PPARGC1A: variants seen among roughly 807,000 people sequenced by gnomAD.
The protein encoded by PPARGC1A is peroxisome proliferator-activated receptor gamma coactivator 1-alpha.
A neutral mutation model predicts 88.7 loss-of-function variants in PPARGC1A; 25 were observed. The observed-to-expected ratio is 0.28, with a 90% CI of 0.21 to 0.39. The LOEUF is 0.39. PPARGC1A is among the 10% of genes least tolerant of loss of function. PPARGC1A has a pLI of 1.00. For missense variants in PPARGC1A, 880 were observed against 968.7 expected (o/e 0.91, Z 1.22); for synonymous variants, 363 against 355.6 (o/e 1.02, Z -0.24).
At chr4:23,896,542 C>A (rs1213027839) in intron 1 of PPARGC1A, among the ~76,000 whole-genome samples, 1 of 152,114 alleles carries the variant, frequency 6.6e-6, no homozygotes, top group Non-Finnish European at 1.5e-5. Flanking sequence ...ACTTAGAAAT[C>A]CCAGAATTAT....
At chr4:24,289,800 T>A in the PPARGC1A span, among the ~76,000 whole-genome samples, 2 of 152,136 alleles carry the variant, frequency 1.3e-5, no homozygotes, top group Non-Finnish European at 2.9e-5. Context: ...TTTTTTAAAT[T>A]TATCTCCCAT....
the PPARGC1A span, among the ~76,000 whole-genome samples, chr4:24,173,902 C>G: frequency 1.6e-4 from 24 of 152,338 alleles, no homozygotes; most frequent in African/African-American, 5.5e-4. Flanking sequence ...TGATGACCAG[C>G]ATTGATACTG....
chr4:24,352,596 C>T, the PPARGC1A span, among the ~76,000 whole-genome samples: 3 of 152,274 alleles, frequency 2.0e-5, no homozygotes, highest in South Asian at 4.1e-4. Context: ...TCTGAGGACT[C>T]GGTTCAAAAG....
chr4:23,867,506 C>T (rs560134862), intron 2 of PPARGC1A, among the ~76,000 whole-genome samples: 37 of 152,196 alleles, frequency 2.4e-4, no homozygotes, highest in Admixed American at 1.9e-3. Flanking sequence ...TAGACTGTCC[C>T]GTCTAAAAAA....
At chr4:24,049,306 G>GTA in the PPARGC1A span, among the ~76,000 whole-genome samples, 15 of 26,620 alleles carry the variant, frequency 5.6e-4, no homozygotes, top group Middle Eastern at 0.021. Flanking sequence ...ATATATATGT[G>GTA]TGTATATATA....
the PPARGC1A span, among the ~76,000 whole-genome samples, chr4:24,359,119 G>A: frequency 4.3e-4 from 66 of 152,152 alleles, no homozygotes; most frequent in Non-Finnish European, 7.6e-4. Flanking sequence ...TTTGTGGAGA[G>A]CCTCTCTATG....
chr4:23,849,938 G>A, intron 2 of PPARGC1A, among the ~76,000 whole-genome samples: 1 of 151,448 alleles, frequency 6.6e-6, no homozygotes. Flanking sequence ...AGTCTGTAAT[G>A]TCGTATAATT....
At chr4:23,857,844 G>A (rs1167690409) in intron 2 of PPARGC1A, among the ~76,000 whole-genome samples, 1 of 151,590 alleles carries the variant, frequency 6.6e-6, no homozygotes, top group African/African-American at 2.4e-5. Context: ...CCAGGCTCCA[G>A]GTCTTTTAGG....
chr4:24,312,550 G>A, the PPARGC1A span, among the ~76,000 whole-genome samples: 2 of 134,546 alleles, frequency 1.5e-5, no homozygotes, highest in African/African-American at 5.6e-5. Flanking sequence ...CAGCTTTCGT[G>A]TTTTGCTTTT....
the PPARGC1A span, among the ~76,000 whole-genome samples, chr4:23,925,997 G>A: frequency 6.6e-6 from 1 of 152,182 alleles, no homozygotes; most frequent in African/African-American, 2.4e-5. Flanking sequence ...CCTCTTAAAT[G>A]TGGTTTTAGT....
chr4:23,869,770 G>A (rs1257962290), intron 2 of PPARGC1A, among the ~76,000 whole-genome samples: 2 of 152,136 alleles, frequency 1.3e-5, no homozygotes, highest in Admixed American at 1.3e-4. Flanking sequence ...TGGGGTGGTG[G>A]CTTATTTGAG....
chr4:23,812,997 A>T (rs778469996), intron 9 of PPARGC1A, 24 bp downstream of exon 9: 1 of 1,612,834 alleles, frequency 6.2e-7, no homozygotes, highest in Non-Finnish European at 8.5e-7. Flanking sequence ...AAGGGAGCTA[A>T]AGGAAAATGA....
At chr4:23,813,251 G>A (rs1162590024) in intron 8 of PPARGC1A, 126 bp from the exon 9 acceptor site, 1 of 790,062 alleles carries the variant, frequency 1.3e-6, no homozygotes, top group East Asian at 2.5e-5. Context: ...CAGCTACTAG[G>A]GAGATTTCCC....
At chr4:23,990,795 A>G in the PPARGC1A span, among the ~76,000 whole-genome samples, 1 of 152,074 alleles carries the variant, frequency 6.6e-6, no homozygotes, top group Non-Finnish European at 1.5e-5. Flanking sequence ...ATCCATTTGT[A>G]ATCAGTTCTT....
the PPARGC1A span, among the ~76,000 whole-genome samples, chr4:24,356,112 G>A: frequency 3.3e-5 from 5 of 151,478 alleles, no homozygotes; most frequent in African/African-American, 7.3e-5. Context: ...CAGGAGAATC[G>A]CTTGAACCCA....
the PPARGC1A span, among the ~76,000 whole-genome samples, chr4:23,983,919 C>A: frequency 1.3e-5 from 2 of 152,006 alleles, no homozygotes; most frequent in African/African-American, 4.8e-5. Context: ...CCTCCATGCA[C>A]CCTGTTCTAC....
the PPARGC1A span, among the ~76,000 whole-genome samples, chr4:24,110,082 A>C: frequency 2.0e-5 from 3 of 152,148 alleles, no homozygotes; most frequent in African/African-American, 7.2e-5. Flanking sequence ...GCTTCCTTCC[A>C]CGTGACTTAT....
the PPARGC1A span, among the ~76,000 whole-genome samples, chr4:24,067,414 A>G: frequency 6.6e-6 from 1 of 152,216 alleles, no homozygotes; most frequent in Non-Finnish European, 1.5e-5. Flanking sequence ...AATGCCCCCA[A>G]AGGGACGCCT....
the PPARGC1A span, among the ~76,000 whole-genome samples, chr4:23,972,637 C>A: frequency 6.6e-6 from 1 of 152,296 alleles, no homozygotes; most frequent in South Asian, 2.1e-4. Context: ...TACTTTTGTG[C>A]TGTCTCATAC....
Sources: gnomAD v4.1 joint callset for allele counts (sites outside exome capture counted in the v4.1 genomes callset) on GRCh38, gnomAD v4.1.1 for gene constraint, MANE v1.5 for transcripts, NCBI Gene and HGNC (gene_info 2026-07-23, HGNC 2026-07-21) for gene names.